The following NR6A1 variants were observed in gnomAD, a reference collection of about 807,000 sequenced individuals.
NR6A1 encodes the protein nuclear receptor subfamily 6 group A member 1, also known as retinoic acid receptor-related testis-associated receptor.
A neutral mutation model predicts 59.1 loss-of-function variants in NR6A1; 7 were observed. That is an observed-to-expected ratio of 0.12 (90% CI 0.07 to 0.22). The LOEUF (loss-of-function observed/expected upper bound fraction) is 0.22, where lower values mean the gene tolerates loss of function less well. NR6A1 is among the 10% of genes least tolerant of loss of function. The pLI, the probability that NR6A1 is intolerant of heterozygous loss-of-function variation, is 1.00. For synonymous variants in NR6A1, 243 were observed against 236.1 expected (o/e 1.03, Z -0.27); for missense variants, 468 against 611.6 (o/e 0.77, Z 2.48).
intron 2 of NR6A1, among the ~76,000 whole-genome samples, chr9:124,663,443 T>A (rs1307143662): frequency 1.3e-5 from 2 of 152,186 alleles, no homozygotes. Context: ...TGCCCCTTAT[T>A]TACTACAGGA....
At chr9:124,663,648 C>T (rs751881213) in intron 2 of NR6A1, among the ~76,000 whole-genome samples, 22 of 152,092 alleles carry the variant, frequency 1.4e-4, no homozygotes, top group South Asian at 4.1e-4. Context: ...TTCTGTTCAT[C>T]GTCTGAGACC....
intron 2 of NR6A1, among the ~76,000 whole-genome samples, chr9:124,731,162 G>A (rs1034718468): frequency 6.6e-6 from 1 of 152,054 alleles, no homozygotes; most frequent in African/African-American, 2.4e-5. Context: ...ACAAGGTCAG[G>A]AGTTTGAGAC....
intron 2 of NR6A1, among the ~76,000 whole-genome samples, chr9:124,706,745 C>A (rs1012113586): frequency 6.6e-6 from 1 of 151,704 alleles, no homozygotes; most frequent in Non-Finnish European, 1.5e-5. Flanking sequence ...CTCAATCTCC[C>A]GACCTCGTGA....
intron 2 of NR6A1, among the ~76,000 whole-genome samples, chr9:124,704,978 C>T (rs117309815): frequency 0.024 from 3,624 of 152,256 alleles, 117 homozygotes; most frequent in East Asian, 0.097. Context: ...TCAAGTGATC[C>T]GCCCACCTTG....
chr9:124,714,352 C>A (rs1001312717), intron 2 of NR6A1, among the ~76,000 whole-genome samples: 1 of 152,120 alleles, frequency 6.6e-6, no homozygotes, highest in Admixed American at 6.5e-5. Flanking sequence ...ATGCCACTGA[C>A]CAGCACATTT....
chr9:124,534,497 G>A (rs1316430354), intron 7 of NR6A1, among the ~76,000 whole-genome samples: 1 of 152,208 alleles, frequency 6.6e-6, no homozygotes, highest in African/African-American at 2.4e-5. Context: ...AGTAAAAAGT[G>A]TGCTTGGACA....
At chr9:124,620,554 G>A (rs564311367) in intron 2 of NR6A1, among the ~76,000 whole-genome samples, 4 of 152,288 alleles carry the variant, frequency 2.6e-5, no homozygotes, top group African/African-American at 9.6e-5. Context: ...ACCATGCTAC[G>A]TGAAAGCAGC....
At chr9:124,710,254 G>A (rs1252706685) in intron 2 of NR6A1, among the ~76,000 whole-genome samples, 3 of 151,966 alleles carry the variant, frequency 2.0e-5, no homozygotes, top group African/African-American at 4.8e-5. Context: ...TCCATTCAAC[G>A]TAACAGAAAA....
chr9:124,728,371 C>T (rs1446697243), intron 2 of NR6A1, among the ~76,000 whole-genome samples: 4 of 151,814 alleles, frequency 2.6e-5, no homozygotes, highest in Non-Finnish European at 4.4e-5. Context: ...CACGGTGGCT[C>T]ACGCCTGTAA....
At chr9:124,651,258 C>T (rs1837094811) in intron 2 of NR6A1, among the ~76,000 whole-genome samples, 1 of 151,968 alleles carries the variant, frequency 6.6e-6, no homozygotes, top group African/African-American at 2.4e-5. Flanking sequence ...GGGGTTTTGC[C>T]ACGTCGCCCA....
At position 124,583,510 on chromosome 9, in the gene NR6A1, C is replaced by A. The variant is rs1834832253; in HGVS notation, c.143-28940G>T. 2.0e-5 allele frequency among the ~76,000 whole-genome samples: 3 copies of A among 152,280 alleles called. 1 individual carries two copies. In the South Asian group the frequency reaches 6.2e-4, roughly 32 times the overall value. On this transcript the variant is annotated intron_variant, in intron 2 of 9. Transcript: ENST00000487099. Reference sequence around the variant, plus strand: ...CTCCTTTCTAGCAAGGTACATTAATCTCTTCAACATATTCAGAAGAAGACT... The same window carrying A: ...CTCCTTTCTAGCAAGGTACATTAATATCTTCAACATATTCAGAAGAAGACT...
At chr9:124,691,856 G>C (rs78713422) in intron 2 of NR6A1, among the ~76,000 whole-genome samples, 1 of 152,292 alleles carries the variant, frequency 6.6e-6, no homozygotes, top group African/African-American at 2.4e-5. Flanking sequence ...AGACCTACCT[G>C]CTATTATTAT....
intron 1 of NR6A1, among the ~76,000 whole-genome samples, chr9:124,746,746 CTTT>C (rs1480275318): frequency 6.6e-6 from 1 of 151,924 alleles, no homozygotes; most frequent in Non-Finnish European, 1.5e-5. Flanking sequence ...GAAAAAACTC[CTTT>C]TTTTTAGATG....
chr9:124,732,559 A>C (rs1272098251), intron 2 of NR6A1, among the ~76,000 whole-genome samples: 1 of 152,226 alleles, frequency 6.6e-6, no homozygotes, highest in Non-Finnish European at 1.5e-5. Context: ...ATGAAAATTA[A>C]ACTGTACTAC....
chr9:124,660,456 C>A (rs1466105713), intron 2 of NR6A1, among the ~76,000 whole-genome samples: 1 of 152,084 alleles, frequency 6.6e-6, no homozygotes, highest in Non-Finnish European at 1.5e-5. Flanking sequence ...TCATATATCT[C>A]GCTACCTGGA....
At chr9:124,544,069 C>T (rs1833522892) in intron 3 of NR6A1, among the ~76,000 whole-genome samples, 1 of 152,234 alleles carries the variant, frequency 6.6e-6, no homozygotes, top group Admixed American at 6.5e-5. Context: ...CAAGGCATTG[C>T]GTACATACTA....
chr9:124,524,718 T>C lies in NR6A1; in HGVS notation c.1354+3A>G, dbSNP rs752867091. 9.4e-5 allele frequency: 152 copies of C among 1,613,212 alleles called. No individual in the cohort carries two copies. The highest frequency in any genetic ancestry group is 1.2e-4 in the Non-Finnish European group (146 of 1,179,666). On this transcript the variant is annotated splice_donor_region_variant and intron_variant, in intron 9 of 9. Transcript: ENST00000487099. Reference sequence around the variant, plus strand: ...GTTGGGAGCCCAAGACCCAGAATGTTACCTGCAATATATCGAATCTCAGGT... The same window carrying C: ...GTTGGGAGCCCAAGACCCAGAATGTCACCTGCAATATATCGAATCTCAGGT...
chr9:124,634,111 A>G (rs1438811189), intron 2 of NR6A1, among the ~76,000 whole-genome samples: 1 of 152,244 alleles, frequency 6.6e-6, no homozygotes, highest in Non-Finnish European at 1.5e-5. Flanking sequence ...ATAAATAATT[A>G]TATAGTCACT....
intron 7 of NR6A1, among the ~76,000 whole-genome samples, chr9:124,535,359 C>T (rs892392632): frequency 6.6e-6 from 1 of 152,190 alleles, no homozygotes; most frequent in Non-Finnish European, 1.5e-5. Flanking sequence ...GGGTAGATCA[C>T]TTGAGGTCAA....
Sources: gnomAD v4.1 joint callset for allele counts (sites outside exome capture counted in the v4.1 genomes callset) on GRCh38, gnomAD v4.1.1 for gene constraint, MANE v1.5 for transcripts, NCBI Gene and HGNC (gene_info 2026-07-23, HGNC 2026-07-21) for gene names.